Variants in PCDHGB7 observed in about 807,000 individuals in gnomAD.
PCDHGB7 encodes the protein protocadherin gamma-B7.
A neutral mutation model predicts 61.4 loss-of-function variants in PCDHGB7; 37 were observed. The ratio of observed to expected loss-of-function variants is 0.60; its 90% confidence interval spans 0.46 to 0.79. PCDHGB7 has a LOEUF of 0.79. PCDHGB7 is among the 30% of genes least tolerant of loss of function. The pLI is 0.00. For synonymous variants in PCDHGB7, 464 were observed against 503.5 expected, an observed-to-expected ratio of 0.92 and a Z score of 1.05; for missense variants, 1,166 against 1,202.5, an observed-to-expected ratio of 0.97 and a Z score of 0.45.
At chr5:141,509,486 A>G (rs1022659275) in intron 3 of PCDHGB7, among the ~76,000 whole-genome samples, 10 of 152,132 alleles carry the variant, frequency 6.6e-5, no homozygotes, top group African/African-American at 2.4e-4. Flanking sequence ...GGTAGAGGTG[A>G]TGGCATGCTG....
Position 141,432,492 on chromosome 5 carries a change from C to A in PCDHGB7, c.2415+12218C>A. On this transcript the variant is annotated intron_variant, in intron 1 of 3. Transcript: ENST00000398594. The surrounding 1 kb of genome is among the most constrained non-coding windows in gnomAD (Gnocchi z 6.0). ...GACGGTTCCACTGGCGTGGAGCTGG[C>A]TCCCCGCTCCGCAGAGCCCGGCTAC... 6.2e-7 allele frequency: 1 copy of A among 1,614,168 alleles called. No individual in the cohort carries two copies. Among genetic ancestry groups the A allele is most frequent in the Admixed American group, 1.7e-5 (1 of 60,034 alleles).
rs758579068 is a variant in PCDHGB7, at chr5:141,485,232, T to C, written c.2416-9575T>C. 6.2e-7 allele frequency: 1 copy of C among 1,614,136 alleles called. No individual in the cohort carries two copies. The highest frequency in any genetic ancestry group is 8.5e-7 in the Non-Finnish European group (1 of 1,180,016). Reference sequence around the variant, plus strand: ...TGGCGGTGGGCTACCCTTTTGTTCCTCTTTTACCACCTGGGTTACGTTTGT... The same window carrying C: ...TGGCGGTGGGCTACCCTTTTGTTCCCCTTTTACCACCTGGGTTACGTTTGT... On this transcript the variant is annotated intron_variant, in intron 1 of 3. Coordinates refer to ENST00000398594, the MANE Select transcript of PCDHGB7 (RefSeq NM_018927.4). This position sits in a 1 kb window ranked among gnomAD's most constrained non-coding sequence, Gnocchi z 5.7.
At chr5:141,478,808 T>C in intron 1 of PCDHGB7, 1 of 1,459,124 alleles carries the variant, frequency 6.9e-7, no homozygotes, top group African/African-American at 1.4e-5. Flanking sequence ...TCTTTTGCTA[T>C]CACAACTAAC....
In PCDHGB7 at chr5:141,487,829, C is replaced by T. The variant is rs528435429; in HGVS notation, c.2416-6978C>T. On this transcript the variant is annotated intron_variant, in intron 1 of 3. Transcript: ENST00000398594. The surrounding 1 kb of genome is among the most constrained non-coding windows in gnomAD (Gnocchi z 5.0). ...GTTTAGCATTGGGGGCGGGTCATGC[C>T]TATATCTGAGTAAGAAATGAAAGTA... The T allele has an allele frequency of 1.1e-4, 125 of 1,182,994 alleles. No homozygotes were observed. In the Middle Eastern group the frequency reaches 3.7e-3, roughly 35 times the overall value. 73.3% of individuals were successfully genotyped at this position (1,182,994 alleles called of 1,614,324 possible).
At chr5:141,422,568 C>A (rs372115955) in intron 1 of PCDHGB7, 5 of 1,613,904 alleles carry the variant, frequency 3.1e-6, no homozygotes, top group Admixed American at 3.3e-5. Context: ...CAGATGACAA[C>A]GATAACCCTC....
chr5:141,426,431 A>G (rs916399837), intron 1 of PCDHGB7: 1 of 297,328 alleles, frequency 3.4e-6, no homozygotes, highest in Non-Finnish European at 6.7e-6. Context: ...GTGGTGGGGA[A>G]CCTTGCGGAG....
chr5:141,449,876 C>G (rs924666805), intron 1 of PCDHGB7, among the ~76,000 whole-genome samples: 2 of 151,724 alleles, frequency 1.3e-5, no homozygotes, highest in Non-Finnish European at 2.9e-5. Flanking sequence ...AATTTAACAT[C>G]AATGCAATAT....
chr5:141,501,335 C>CA (rs2099808433), intron 2 of PCDHGB7, among the ~76,000 whole-genome samples: 1 of 135,634 alleles, frequency 7.4e-6, no homozygotes, highest in Non-Finnish European at 1.6e-5. Context: ...ACACACACAC[C>CA]CCAAACTCAA....
At position 141,487,344 on chromosome 5, in the gene PCDHGB7, C is replaced by T. The variant is rs1232854025; in HGVS notation, c.2416-7463C>T. On this transcript the variant is annotated intron_variant, in intron 1 of 3. Coordinates refer to ENST00000398594, the MANE Select transcript of PCDHGB7 (RefSeq NM_018927.4). This position sits in a 1 kb window ranked among gnomAD's most constrained non-coding sequence, Gnocchi z 5.0. ...CTTCGTGGGGCAGCCTGTGGAGTCA[C>T]ATGCTTTCCTGCTGGCACCTGTGCC... 3 of 1,614,208 alleles carry T rather than the reference C, an allele frequency of 1.9e-6. No individual in the cohort carries two copies. The highest frequency in any genetic ancestry group is 3.3e-5 in the Admixed American group (2 of 60,024).
intron 1 of PCDHGB7, among the ~76,000 whole-genome samples, chr5:141,482,488 G>C (rs1401943298): frequency 7.7e-6 from 1 of 130,410 alleles, no homozygotes; most frequent in African/African-American, 3.1e-5. Context: ...ACAATTAAAA[G>C]TTATCATTCT....
intron 1 of PCDHGB7, chr5:141,422,905 G>A: frequency 6.2e-7 from 1 of 1,614,260 alleles, no homozygotes; most frequent in South Asian, 1.1e-5. Flanking sequence ...GAACGACAAT[G>A]CGCCCGAGAT....
Position 141,477,044 on chromosome 5 carries a change from C to T in PCDHGB7, c.2416-17763C>T, listed in dbSNP as rs750525889. ...CGGGATGCTGACAATCAAGGGTCGG[C>T]TGGACTTCGAGGACACCAAACTCCA... On this transcript the variant is annotated intron_variant, in intron 1 of 3. Coordinates refer to ENST00000398594, the MANE Select transcript of PCDHGB7 (RefSeq NM_018927.4). The surrounding 1 kb of genome is among the most constrained non-coding windows in gnomAD (Gnocchi z 4.9). 6.2e-7 allele frequency: 1 copy of T among 1,614,246 alleles called. No individual in the cohort carries two copies. Among genetic ancestry groups the T allele is most frequent in the Non-Finnish European group, 8.5e-7 (1 of 1,180,034 alleles).
chr5:141,423,006 T>A, intron 1 of PCDHGB7: 2 of 1,614,198 alleles, frequency 1.2e-6, no homozygotes, highest in Non-Finnish European at 1.7e-6. Context: ...CCAAGGTGGT[T>A]GCGGTGGACA....
In PCDHGB7 at chr5:141,421,238, G is replaced by C. The variant is rs920128735; in HGVS notation, c.2415+964G>C. 3.1e-6 allele frequency: 5 copies of C among 1,597,422 alleles called. No individual in the cohort carries two copies. Among genetic ancestry groups the C allele is most frequent in the African/African-American group, 2.7e-5 (2 of 74,378 alleles). ...GGCTTAGAGCCTGCCATGGCGAATC[G>C]GCTACAGCGCGGGGACCGCAGTCGG... On this transcript the variant is annotated intron_variant, in intron 1 of 3. Transcript: ENST00000398594.
chr5:141,432,611 T>C lies in PCDHGB7; in HGVS notation c.2415+12337T>C, dbSNP rs141541670. On this transcript the variant is annotated intron_variant, in intron 1 of 3. Transcript: ENST00000398594. This position sits in a 1 kb window ranked among gnomAD's most constrained non-coding sequence, Gnocchi z 6.0. ...CAAGGCCAGCGAGCCGGGACTCTTC[T>C]CGGTGGGTCTGCACACGGGCGAGGT... The C allele has an allele frequency of 2.5e-6, 4 of 1,613,860 alleles. No homozygotes were observed. In the South Asian group the frequency reaches 4.4e-5, roughly 18 times the overall value.
At chr5:141,457,864 C>T (rs962336979) in intron 1 of PCDHGB7, among the ~76,000 whole-genome samples, 5 of 152,166 alleles carry the variant, frequency 3.3e-5, no homozygotes, top group African/African-American at 4.8e-5. Flanking sequence ...CTTCACTGAC[C>T]ACAGGTTAGG....
At chr5:141,470,025 A>T (rs2099219670) in intron 1 of PCDHGB7, among the ~76,000 whole-genome samples, 1 of 152,156 alleles carries the variant, frequency 6.6e-6, no homozygotes, top group African/African-American at 2.4e-5. Context: ...GCTACTCGGG[A>T]TGCTGAGGCG....
chr5:141,421,118 T>C (rs572827470), intron 1 of PCDHGB7: 2 of 771,948 alleles, frequency 2.6e-6, no homozygotes, highest in Non-Finnish European at 2.0e-6. Context: ...GTATTTTCCT[T>C]CGCTTTCTGA....
chr5:141,476,711 G>C lies in PCDHGB7; in HGVS notation c.2416-18096G>C. 1 of 1,614,194 alleles carries C rather than the reference G, an allele frequency of 6.2e-7. No individual in the cohort carries two copies. The highest frequency in any genetic ancestry group is 8.5e-7 in the Non-Finnish European group (1 of 1,180,042). On this transcript the variant is annotated intron_variant, in intron 1 of 3. Coordinates refer to ENST00000398594, the MANE Select transcript of PCDHGB7 (RefSeq NM_018927.4). This position sits in a 1 kb window ranked among gnomAD's most constrained non-coding sequence, Gnocchi z 7.6. ...CACCAAGTACGCGGAGCTGGTGTTG[G>C]AGCGCGCCCTGGACCGAGAACGGGA...
Sources: allele counts gnomAD v4.1 joint callset (sites outside exome capture counted in the v4.1 genomes callset), GRCh38; gene constraint gnomAD v4.1.1; non-coding constraint Gnocchi (gnomAD v3.1); transcripts MANE v1.5; gene names NCBI Gene and HGNC (gene_info 2026-07-23, HGNC 2026-07-21).